LRRK1: variants seen among roughly 807,000 people sequenced by gnomAD.
LRRK1 encodes the protein leucine-rich repeat serine/threonine-protein kinase 1.
A neutral mutation model predicts 209.1 loss-of-function variants in LRRK1; 113 were observed. That is an observed-to-expected ratio of 0.54 (90% CI 0.46 to 0.63). The LOEUF is 0.63. Ranked by LOEUF, LRRK1 falls within the 30% of genes least tolerant of loss-of-function variation. The pLI, the probability that LRRK1 is intolerant of heterozygous loss-of-function variation, is 0.00. For synonymous variants in LRRK1, 1,144 were observed against 1,099.7 expected (o/e 1.04, Z -0.80); for missense variants, 2,284 against 2,632.2 (o/e 0.87, Z 2.89).
At chr15:100,951,103 AG>A (rs1428285380) in intron 2 of LRRK1, among the ~76,000 whole-genome samples, 1 of 152,256 alleles carries the variant, frequency 6.6e-6, no homozygotes, top group Non-Finnish European at 1.5e-5. Context: ...ACTCCGTCTC[AG>A]AAAAAAAGAG....
At chr15:101,004,685 C>T (rs994600257) in intron 6 of LRRK1, among the ~76,000 whole-genome samples, 6 of 152,176 alleles carry the variant, frequency 3.9e-5, no homozygotes, top group Non-Finnish European at 5.9e-5. Context: ...ACCTCCACTG[C>T]GGCTTGCCCA....
chr15:100,919,617 G>T lies in LRRK1; in HGVS notation c.-123+166G>T, dbSNP rs1452123731. Among the ~76,000 whole-genome samples, 1 of 150,042 alleles carries T rather than the reference G, an allele frequency of 6.7e-6. No homozygotes were observed. ...GTGGTCGGGCACGGGGGGCCGTTGC[G>T]CAGGGGCCGCGGCCCGAGGGGCGCG... On this transcript the variant is annotated intron_variant, in intron 1 of 33. Coordinates refer to ENST00000388948, the MANE Select transcript of LRRK1 (RefSeq NM_024652.6). The surrounding 1 kb of genome is among the most constrained non-coding windows in gnomAD (Gnocchi z 5.8).
At position 101,077,854 on chromosome 15, in the gene LRRK1, C is replaced by A. The variant is rs2037035057; in HGVS notation, c.*9006C>A. ...AAGGCAGGAATGTCAGGCCTCTGAG[C>A]CCAAGCTAAGCCATCGCATCCCCTG... is the stretch of plus-strand genomic sequence containing the variant. On this transcript the variant is annotated 3_prime_UTR_variant, in exon 34 of 34. Coordinates refer to ENST00000388948, the MANE Select transcript of LRRK1 (RefSeq NM_024652.6). 6.6e-6 allele frequency: 1 copy of A among 152,178 alleles called. No homozygotes were observed. Among genetic ancestry groups the A allele is most frequent in the Non-Finnish European group, 1.5e-5 (1 of 68,026 alleles). 9.4% of individuals were successfully genotyped at this position (152,178 alleles called of 1,614,324 possible). A position where few individuals can be genotyped will look rare whatever the true frequency, so the allele number is the denominator to read the frequency against.
At chr15:100,995,617 C>A (rs1033597550) in intron 6 of LRRK1, among the ~76,000 whole-genome samples, 5 of 152,162 alleles carry the variant, frequency 3.3e-5, no homozygotes, top group African/African-American at 1.2e-4. Flanking sequence ...AGCTGCGTTG[C>A]CATGAGAAAT....
At chr15:100,942,117 G>C (rs990105632) in intron 2 of LRRK1, among the ~76,000 whole-genome samples, 1 of 152,194 alleles carries the variant, frequency 6.6e-6, no homozygotes, top group African/African-American at 2.4e-5. Context: ...TCAGCCTACT[G>C]TCTTGATCTC....
In LRRK1 at chr15:101,027,665, G is replaced by A. The variant is rs763773289; in HGVS notation, c.2554G>A (p.Glu852Lys). ...CCCCAGGAGCTACCTGAGCCTGCAG[G>A]AGGCCGTGCTGGCAGAGCAGCAGCG... is the stretch of plus-strand genomic sequence containing the variant. ...LIPRSYLSLQ[E>K]AVLAEQQRRS... The change falls in exon 19 of 34, where the codon GAG becomes AAG. Residue 852 changes from glutamate to lysine, a missense_variant. Transcript: ENST00000388948. This position sits in a 1 kb window ranked among gnomAD's most constrained non-coding sequence, Gnocchi z 5.1. 9 of 1,613,080 alleles carry A rather than the reference G, an allele frequency of 5.6e-6. No homozygotes were observed. In the East Asian group the frequency reaches 2.0e-4, roughly 36 times the overall value.
chr15:101,019,242 TAA>T (rs1313008083), intron 12 of LRRK1, among the ~76,000 whole-genome samples: 2 of 152,196 alleles, frequency 1.3e-5, no homozygotes, highest in Non-Finnish European at 2.9e-5. Context: ...AGCGAAACTT[TAA>T]AAGTTTGGAA....
At chr15:101,046,855 G>A (rs1172882321) in intron 21 of LRRK1, among the ~76,000 whole-genome samples, 4 of 152,210 alleles carry the variant, frequency 2.6e-5, no homozygotes, top group Non-Finnish European at 5.9e-5. Context: ...AGGCGTCCCC[G>A]CTGTCAGACA....
intron 6 of LRRK1, among the ~76,000 whole-genome samples, chr15:101,007,900 C>CA (rs1320543700): frequency 6.6e-6 from 1 of 152,076 alleles, no homozygotes; most frequent in African/African-American, 2.4e-5. Flanking sequence ...CCTGTAATTG[C>CA]AGCACTTTGG....
intron 6 of LRRK1, among the ~76,000 whole-genome samples, chr15:100,993,874 T>A (rs1052419523): frequency 2.0e-5 from 3 of 152,234 alleles, no homozygotes; most frequent in Admixed American, 1.3e-4. Context: ...AGAATACTGA[T>A]ATTCTACTTT....
rs747660022 is a variant in LRRK1, at chr15:101,056,965, G to A, written c.4442G>A (p.Arg1481His). Residue 1481 changes from arginine (R) to histidine (H), a missense_variant, in exon 28 of 34, where the codon CGC becomes CAC. This residue lies in a region of LRRK1 where 59 missense variants were observed against 103.8 expected (regional missense o/e 0.57). Transcript: ENST00000388948. ...GCCAAGAAGCTGTCCAAGGGCATCCGCCCGGTTCTGGGGCAGCCGGAGGAA... is the reference window on the plus strand; with the variant it reads ...GCCAAGAAGCTGTCCAAGGGCATCCACCCGGTTCTGGGGCAGCCGGAGGAA... ...QIAKKLSKGI[R>H]PVLGQPEEVQ... 5 of 1,614,162 alleles carry A rather than the reference G, an allele frequency of 3.1e-6. No individual in the cohort carries two copies. Among genetic ancestry groups the A allele is most frequent in the Middle Eastern group, 1.6e-4 (1 of 6,062 alleles).
In LRRK1 at chr15:101,051,835, C is replaced by CA; in HGVS notation, c.3564_3565insA (p.Asp1189ArgfsTer33). On this transcript the variant is annotated frameshift_variant, in exon 24 of 34. Transcript: ENST00000388948. LOFTEE classifies it high-confidence loss of function. Reference sequence around the variant, plus strand: ...AGAAATCAGAGGATGTGCAGTACTTCGACATGGAAGACTGTGTCCTGACGG... The same window carrying CA: ...AGAAATCAGAGGATGTGCAGTACTTCAGACATGGAAGACTGTGTCCTGACGG... 6.2e-7 allele frequency: 1 copy of CA among 1,614,128 alleles called. No individual in the cohort carries two copies. Among genetic ancestry groups the CA allele is most frequent in the Non-Finnish European group, 8.5e-7 (1 of 1,180,032 alleles).
In LRRK1 at chr15:101,008,361, G is replaced by T. The variant is rs1016171847; in HGVS notation, c.763-476G>T. ...GCCTGTCCACCAAGCACCCTGGCGCGGTGCGGGCAGCTGCAGGCGGCAGCT... is the reference window on the plus strand; with the variant it reads ...GCCTGTCCACCAAGCACCCTGGCGCTGTGCGGGCAGCTGCAGGCGGCAGCT... On this transcript the variant is annotated intron_variant, in intron 6 of 33. Transcript: ENST00000388948. Among the ~76,000 whole-genome samples, 34 of 152,110 alleles carry T rather than the reference G, an allele frequency of 2.2e-4. 1 individual carries two copies. Among genetic ancestry groups the T allele is most frequent in the Admixed American group, 2.1e-3 (32 of 15,270 alleles).
Position 101,054,951 on chromosome 15 carries a change from T to C in LRRK1, c.4060T>C (p.Ser1354Pro). 6.4e-7 allele frequency: 1 copy of C among 1,573,282 alleles called. No individual in the cohort carries two copies. Among genetic ancestry groups the C allele is most frequent in the Non-Finnish European group, 8.6e-7 (1 of 1,162,814 alleles). Residue 1354 changes from serine to proline, a missense_variant, in exon 27 of 34, where the codon TCC becomes CCC. Coordinates refer to ENST00000388948, the MANE Select transcript of LRRK1 (RefSeq NM_024652.6). Reference protein sequence around the residue: ...TVLSENARDSSFIPLGHMLTQ... With the variant: ...TVLSENARDSPFIPLGHMLTQ... ...AAATTGTTTTTCTTTGCAAGATTCT[T>C]CCTTTATACCCCTGGGACACATGCT... is the stretch of plus-strand genomic sequence containing the variant.
intron 6 of LRRK1, among the ~76,000 whole-genome samples, chr15:101,002,056 G>C (rs2032720684): frequency 6.6e-6 from 1 of 152,168 alleles, no homozygotes. Flanking sequence ...CATCTGCTGA[G>C]GTTCAAACCA....
chr15:101,058,010 G>A lies in LRRK1; in HGVS notation c.4548G>A (p.Val1516=), dbSNP rs1446184164. ...KPEKRPLALS[V]VSQMKDPTFA... The stretch of plus-strand genomic sequence containing the variant: ...CTCAGCGACCGCTGGCCCTGTCGGT[G>A]GTGAGCCAGATGAAGGACCCGACTT... The change falls in exon 29 of 34, where the codon GTG becomes GTA. Residue 1516 remains valine, a synonymous_variant. Coordinates refer to ENST00000388948, the MANE Select transcript of LRRK1 (RefSeq NM_024652.6). The A allele has an allele frequency of 1.2e-6, 2 of 1,614,138 alleles. No individual in the cohort carries two copies. The highest frequency in any genetic ancestry group is 1.7e-6 in the Non-Finnish European group (2 of 1,180,016).
Position 101,055,196 on chromosome 15 carries a change from C to A in LRRK1, c.4305C>A (p.Ile1435=). 6.3e-7 allele frequency: 1 copy of A among 1,595,684 alleles called. No individual in the cohort carries two copies. The highest frequency in any genetic ancestry group is 1.1e-5 in the South Asian group (1 of 87,930). ...EGTPGYQAPE[I]RPRIVYDEKV... ...CTCCTGGCTACCAGGCCCCAGAGAT[C>A]AGGCCTCGCATTGTATATGATGAGA... is the stretch of plus-strand genomic sequence containing the variant. Residue 1435 remains isoleucine, a synonymous_variant, in exon 27 of 34, where the codon ATC becomes ATA. Coordinates refer to ENST00000388948, the MANE Select transcript of LRRK1 (RefSeq NM_024652.6).
chr15:101,064,409 C>G (rs989651273), intron 31 of LRRK1: 1 of 153,196 alleles, frequency 6.5e-6, no homozygotes, highest in Admixed American at 6.5e-5. Context: ...CTTCCCACCC[C>G]CACCACAGCC....
At chr15:101,052,266 C>A (rs1469711877) in intron 24 of LRRK1, among the ~76,000 whole-genome samples, 1 of 152,222 alleles carries the variant, frequency 6.6e-6, no homozygotes, top group Non-Finnish European at 1.5e-5. Flanking sequence ...CTCTCCTGAG[C>A]TGCCTCTCCT....
Sources: allele counts gnomAD v4.1 joint callset (sites outside exome capture counted in the v4.1 genomes callset), GRCh38; gene constraint gnomAD v4.1.1; regional missense constraint gnomAD v4.1.1; non-coding constraint Gnocchi (gnomAD v3.1); transcripts MANE v1.5; gene names NCBI Gene and HGNC (gene_info 2026-07-23, HGNC 2026-07-21).